The following PCDHA1 variants were observed in gnomAD, a reference collection of about 807,000 sequenced individuals.
The protein encoded by PCDHA1 is protocadherin alpha 1, also known as protocadherin alpha-1.
Under a neutral mutation model 61.3 loss-of-function variants are expected in PCDHA1, and 42 were observed. That is an observed-to-expected ratio of 0.69 (90% CI 0.54 to 0.89). The LOEUF is 0.89. PCDHA1 is among the 40% of genes least tolerant of loss of function. PCDHA1 has a pLI of 0.00. For synonymous variants in PCDHA1, 610 were observed against 553.8 expected (o/e 1.10, Z -1.43); for missense variants, 1,256 against 1,235.3 (o/e 1.02, Z -0.25).
chr5:140,998,569 GTT>G (rs71574497), intron 3 of PCDHA1, among the ~76,000 whole-genome samples: 14 of 149,410 alleles, frequency 9.4e-5, no homozygotes, highest in Admixed American at 6.7e-4. Flanking sequence ...TTGTAAATAA[GTT>G]TTTTTTTTTT....
chr5:140,909,011 T>G (rs998704146), intron 1 of PCDHA1, among the ~76,000 whole-genome samples: 1 of 152,170 alleles, frequency 6.6e-6, no homozygotes, highest in Non-Finnish European at 1.5e-5. Flanking sequence ...AGGTAGAAGG[T>G]TCCTGAATTT....
chr5:140,828,886 T>C lies in PCDHA1; in HGVS notation c.2394+40202T>C, dbSNP rs1485794831. On this transcript the variant is annotated intron_variant, in intron 1 of 3. Coordinates refer to ENST00000504120, the MANE Select transcript of PCDHA1 (RefSeq NM_018900.4). Reference sequence around the variant, plus strand: ...ACGGAACAACAGTTATCAGACTGAATGCTTCTGATCGGGATGAAGGAGCGA... The same window carrying C: ...ACGGAACAACAGTTATCAGACTGAACGCTTCTGATCGGGATGAAGGAGCGA... 7 of 1,614,126 alleles carry C rather than the reference T, an allele frequency of 4.3e-6. No individual in the cohort carries two copies. In the African/African-American group the frequency reaches 5.3e-5, roughly 12 times the overall value.
At position 140,944,693 on chromosome 5, in the gene PCDHA1, G is replaced by A. The variant is rs191002677; in HGVS notation, c.2395-34256G>A. 1.7e-3 allele frequency among the ~76,000 whole-genome samples: 252 copies of A among 152,248 alleles called. No homozygotes were observed. In the Middle Eastern group the frequency reaches 0.017, roughly 10 times the overall value. On this transcript the variant is annotated intron_variant, in intron 1 of 3. Coordinates refer to ENST00000504120, the MANE Select transcript of PCDHA1 (RefSeq NM_018900.4). ...TATTCTGTGTATCCTATTAATAACA[G>A]TAATTATCAGGTTATTTTGCCTTTG...
At chr5:140,791,424 C>T (rs1353710522) in intron 1 of PCDHA1, among the ~76,000 whole-genome samples, 1 of 152,174 alleles carries the variant, frequency 6.6e-6, no homozygotes. Flanking sequence ...GAAAAGCTGT[C>T]ATAGGAAGTC....
intron 1 of PCDHA1, among the ~76,000 whole-genome samples, chr5:140,873,668 T>G (rs1315193684): frequency 6.6e-6 from 1 of 152,206 alleles, no homozygotes; most frequent in Non-Finnish European, 1.5e-5. Flanking sequence ...TATTATTATT[T>G]GTTTCTTTTT....
chr5:140,884,606 C>T (rs1554181776), intron 1 of PCDHA1: 1 of 1,614,038 alleles, frequency 6.2e-7, no homozygotes, highest in African/African-American at 1.3e-5. Flanking sequence ...TCCTCCTTGT[C>T]TGGGTTCTGC....
At chr5:140,864,927 G>T (rs2048656466) in intron 1 of PCDHA1, 1 of 152,138 alleles carries the variant, frequency 6.6e-6, no homozygotes, top group Non-Finnish European at 1.5e-5. Flanking sequence ...GCTTGGCAGG[G>T]TGTCTCAGGC....
intron 1 of PCDHA1, chr5:140,875,947 G>A: frequency 6.2e-7 from 1 of 1,614,184 alleles, no homozygotes; most frequent in South Asian, 1.1e-5. Context: ...GGGCGCTTCT[G>A]ATGCGGATAT....
chr5:140,846,112 TTAC>T (rs1780203711), intron 1 of PCDHA1, among the ~76,000 whole-genome samples: 1 of 149,772 alleles, frequency 6.7e-6, no homozygotes. Context: ...GTAGACTATC[TTAC>T]TTTGATAGTT....
At chr5:140,848,643 C>T in intron 1 of PCDHA1, 1 of 1,593,248 alleles carries the variant, frequency 6.3e-7, no homozygotes, top group East Asian at 2.2e-5. Flanking sequence ...CCGCATCGCG[C>T]AGGACCTGGG....
At chr5:140,965,400 G>A (rs782574003) in intron 1 of PCDHA1, among the ~76,000 whole-genome samples, 1 of 152,154 alleles carries the variant, frequency 6.6e-6, no homozygotes, top group Non-Finnish European at 1.5e-5. Context: ...GAAGTCTAAG[G>A]AGTCTTATAT....
chr5:140,915,281 C>T (rs1554196839), intron 1 of PCDHA1, among the ~76,000 whole-genome samples: 2 of 152,090 alleles, frequency 1.3e-5, no homozygotes, highest in Non-Finnish European at 2.9e-5. Flanking sequence ...TCATCATTTA[C>T]TCTTTCTACT....
rs1767740634 is a variant in PCDHA1, at chr5:140,823,512, G to C, written c.2394+34828G>C. 5.0e-6 allele frequency: 8 copies of C among 1,613,458 alleles called. No individual in the cohort carries two copies. The African/African-American group carries it at 6.7e-5, about 13-fold the overall frequency. ...GCACCGGCGGCGCAGTGAGCGAGCTGGTGCCGAGGTCAGTGGGTGCGGGCC... is the reference window on the plus strand; with the variant it reads ...GCACCGGCGGCGCAGTGAGCGAGCTCGTGCCGAGGTCAGTGGGTGCGGGCC... On this transcript the variant is annotated intron_variant, in intron 1 of 3. Transcript: ENST00000504120.
rs149265547 is a variant in PCDHA1 at position 140,927,771 on chromosome 5, G to T, written c.2395-51178G>T. On this transcript the variant is annotated intron_variant, in intron 1 of 3. Coordinates refer to ENST00000504120, the MANE Select transcript of PCDHA1 (RefSeq NM_018900.4). Reference sequence around the variant, plus strand: ...ACGTGCACCCTAAAAGTGGGGAGGTGCAAGTAGCTGCTTCACTAGGTCCGC... The same window carrying T: ...ACGTGCACCCTAAAAGTGGGGAGGTTCAAGTAGCTGCTTCACTAGGTCCGC... The T allele has an allele frequency of 4.2e-4, 677 of 1,614,210 alleles. 4 individuals carry two copies. In the African/African-American group the frequency reaches 7.5e-3, roughly 18 times the overall value.
Position 140,938,107 on chromosome 5 carries a change from T to C in PCDHA1, c.2395-40842T>C, listed in dbSNP as rs73266057. On this transcript the variant is annotated intron_variant, in intron 1 of 3. Coordinates refer to ENST00000504120, the MANE Select transcript of PCDHA1 (RefSeq NM_018900.4). ...TAGTTTTATTATTGTATTTTTTACT[T>C]TCTCTCTTTTTTTAAAAAAATAGAG... is the stretch of plus-strand genomic sequence containing the variant. 3.3e-3 allele frequency among the ~76,000 whole-genome samples: 502 copies of C among 152,318 alleles called. 3 individuals carry two copies. Among genetic ancestry groups the C allele is most frequent in the African/African-American group, 0.012 (483 of 41,576 alleles).
At chr5:140,917,118 G>A (rs961408905) in intron 1 of PCDHA1, among the ~76,000 whole-genome samples, 2 of 152,106 alleles carry the variant, frequency 1.3e-5, no homozygotes, top group African/African-American at 2.4e-5. Context: ...CTCCAAGTGC[G>A]CAGACTCCCC....
At chr5:140,929,231 T>G in intron 1 of PCDHA1, 2 of 1,613,886 alleles carry the variant, frequency 1.2e-6, no homozygotes, top group Non-Finnish European at 1.7e-6. Context: ...GCTGCCGACC[T>G]GCGAAATCTT....
intron 1 of PCDHA1, chr5:140,803,644 A>T: frequency 6.2e-7 from 1 of 1,613,020 alleles, no homozygotes; most frequent in Non-Finnish European, 8.5e-7. Context: ...TCATTCCTCA[A>T]TGTTTCCACT....
chr5:140,858,015 C>T lies in PCDHA1; in HGVS notation c.2394+69331C>T, dbSNP rs781847343. ...GTGCTGGTGAAGGACCATGGCGAGC[C>T]GTCGCTGACGGCCACGGCCACTGTG... On this transcript the variant is annotated intron_variant, in intron 1 of 3. Transcript: ENST00000504120. The T allele has an allele frequency of 2.6e-5, 41 of 1,596,884 alleles. 4 individuals carry two copies. Among genetic ancestry groups the T allele is most frequent in the South Asian group, 1.2e-4 (11 of 90,482 alleles).
Sources: allele counts gnomAD v4.1 joint callset (sites outside exome capture counted in the v4.1 genomes callset), GRCh38; gene constraint gnomAD v4.1.1; transcripts MANE v1.5; gene names NCBI Gene and HGNC (gene_info 2026-07-23, HGNC 2026-07-21).